The following PIAS2 variants were observed in gnomAD, a reference collection of about 807,000 sequenced individuals.
PIAS2 encodes E3 SUMO-protein ligase PIAS2.
PIAS2 carries 19 observed loss-of-function variants against 69.7 expected under a neutral mutation model. The observed-to-expected ratio is 0.27, with a 90% CI of 0.19 to 0.40. The LOEUF is 0.40. Among genes scored for constraint, PIAS2 ranks in the 10% least tolerant of loss-of-function variants. The pLI, the probability that PIAS2 is intolerant of heterozygous loss-of-function variation, is 1.00. For synonymous variants in PIAS2, 261 were observed against 263.2 expected (o/e 0.99, Z 0.08); for missense variants, 624 against 757.0 (o/e 0.82, Z 2.06).
intron 12 of PIAS2, among the ~76,000 whole-genome samples, chr18:46,819,879 G>T (rs555945805): frequency 6.6e-6 from 1 of 152,270 alleles, no homozygotes; most frequent in East Asian, 1.9e-4. Context: ...CTTGGTTGCA[G>T]AAGTCCTGAT....
chr18:46,818,233 G>A (rs1312259278), intron 12 of PIAS2: 2 of 1,226,956 alleles, frequency 1.6e-6, no homozygotes, highest in African/African-American at 3.1e-5. Flanking sequence ...TAAATGTTTA[G>A]CACTTTCAAA....
intron 3 of PIAS2, among the ~76,000 whole-genome samples, chr18:46,859,615 T>C (rs1448006283): frequency 6.6e-6 from 1 of 152,112 alleles, no homozygotes; most frequent in Non-Finnish European, 1.5e-5. Flanking sequence ...GTTTTTCAAC[T>C]TCGCATCTTT....
At chr18:46,815,092 A>C (rs1323387716) in intron 13 of PIAS2, among the ~76,000 whole-genome samples, 1 of 152,206 alleles carries the variant, frequency 6.6e-6, no homozygotes, top group Non-Finnish European at 1.5e-5. Context: ...AGCTAAATAA[A>C]ACAGAATTTA....
intron 1 of PIAS2, among the ~76,000 whole-genome samples, chr18:46,915,791 C>CA (rs879676692): frequency 0.01 from 895 of 86,500 alleles, 4 homozygotes; most frequent in Middle Eastern, 0.024. Context: ...TTTTCATTAA[C>CA]AAAAAAAAAA....
In PIAS2 at chr18:46,890,711, A is replaced by C. The variant is rs754032820; in HGVS notation, c.368T>G (p.Leu123Arg). Residue 123 changes from leucine (L) to arginine (R), a missense_variant, in exon 2 of 14, where the codon CTT (leucine) becomes CGT (arginine). Physicochemically the swap from Leu to Arg is moderately radical, Grantham distance 102. Transcript: ENST00000585916. ...CTCAAATGTGGGCTTAGTATCTTGA[A>C]GCAGCACAGAACCAACAGGAGAGGA... ...SPSSPVGSVL[L>R]QDTKPTFEMQ... The C allele has an allele frequency of 1.9e-6, 3 of 1,614,046 alleles. No homozygotes were observed. In the African/African-American group the frequency reaches 4.0e-5, roughly 22 times the overall value.
Position 46,917,457 on chromosome 18 carries a change from GCGCCGCTTAAGACGCCGCGGCCGC to G in PIAS2, c.-136_-113del, listed in dbSNP as rs2058113801. On this transcript the variant is annotated 5_prime_UTR_variant, in exon 1 of 14. Coordinates refer to ENST00000585916, the MANE Select transcript of PIAS2 (RefSeq NM_004671.5). ...CGCCTCCAGCACCATCCTGCACTGG[GCGCCGCTTAAGACGCCGCGGCCGC>G]CGCCGCTACAGCCGGGCCCGTCACG... 1 of 1,236,746 alleles carries G rather than the reference GCGCCGCTTAAGACGCCGCGGCCGC, an allele frequency of 8.1e-7. No homozygotes were observed. The highest frequency in any genetic ancestry group is 1.0e-6 in the Non-Finnish European group (1 of 985,534). 76.6% of individuals were successfully genotyped at this position (1,236,746 alleles called of 1,614,324 possible). A position where few individuals can be genotyped will look rare whatever the true frequency, so the allele number is the denominator to read the frequency against.
rs201170691 is a variant in PIAS2, at chr18:46,821,088, C to T, written c.1509-16G>A. ...CATGAGAACCCTGTTTTAAATAGCA[C>T]GGGAAATTACAAACAATCTGGCTGT... On this transcript the variant is annotated splice_polypyrimidine_tract_variant and intron_variant, in intron 11 of 13. Coordinates refer to ENST00000585916, the MANE Select transcript of PIAS2 (RefSeq NM_004671.5). 4.3e-4 allele frequency: 697 copies of T among 1,612,062 alleles called. 1 individual carries two copies. The highest frequency in any genetic ancestry group is 4.9e-4 in the Non-Finnish European group (575 of 1,178,976).
intron 12 of PIAS2, chr18:46,818,512 T>C (rs949232244): frequency 7.2e-7 from 1 of 1,393,486 alleles, no homozygotes; most frequent in Non-Finnish European, 9.5e-7. Context: ...TATTAAAACT[T>C]TGTTATCTCT....
chr18:46,899,851 G>A (rs1261071848), intron 1 of PIAS2, among the ~76,000 whole-genome samples: 1 of 90,286 alleles, frequency 1.1e-5, no homozygotes, highest in African/African-American at 7.4e-5. Context: ...ACTATATGAA[G>A]TAACTATCAA....
intron 5 of PIAS2, 54 bp downstream of exon 5, chr18:46,855,291 G>A (rs1287038435): frequency 6.3e-6 from 7 of 1,102,544 alleles, no homozygotes; most frequent in Non-Finnish European, 9.5e-6. Context: ...TCTAGGCCTT[G>A]TCAGTGTTTA....
chr18:46,883,174 A>G (rs1406728434), intron 2 of PIAS2, among the ~76,000 whole-genome samples: 1 of 151,770 alleles, frequency 6.6e-6, no homozygotes, highest in African/African-American at 2.4e-5. Context: ...AATAAACTTG[A>G]TATGACTCTA....
At chr18:46,884,081 G>GAAATAAGCA (rs2052732020) in intron 2 of PIAS2, among the ~76,000 whole-genome samples, 1 of 152,094 alleles carries the variant, frequency 6.6e-6, no homozygotes, top group Non-Finnish European at 1.5e-5. Context: ...CATATATGAT[G>GAAATAAGCA]AAATAAGCAA....
chr18:46,889,660 G>A (rs1598865246), intron 2 of PIAS2, among the ~76,000 whole-genome samples: 1 of 152,304 alleles, frequency 6.6e-6, no homozygotes, highest in East Asian at 1.9e-4. Flanking sequence ...ACGGAAAACA[G>A]TATGGTGATG....
chr18:46,810,743 A>AG lies in PIAS2; in HGVS notation c.*1689_*1690insC, dbSNP rs2040946447. 6.6e-6 allele frequency: 1 copy of AG among 151,516 alleles called. No homozygotes were observed. The highest frequency in any genetic ancestry group is 6.6e-5 in the Admixed American group (1 of 15,234). The allele number at this position is 151,516 out of a possible 1,614,324, so 9.4% of individuals were successfully genotyped here. On this transcript the variant is annotated 3_prime_UTR_variant, in exon 14 of 14. Coordinates refer to ENST00000585916, the MANE Select transcript of PIAS2 (RefSeq NM_004671.5). ...ATGGAAACTTGAGAAGGTGAAAGAA[A>AG]AAAAAAAAAAACCCCAAGCAAGGAC...
intron 6 of PIAS2, 107 bp from the exon 7 acceptor site, chr18:46,844,946 A>G (rs894413021): frequency 8.0e-5 from 38 of 472,300 alleles, no homozygotes; most frequent in Non-Finnish European, 1.1e-4. Flanking sequence ...TAACATTCAA[A>G]ATAACTTCCA....
At chr18:46,902,833 G>C (rs184710142) in intron 1 of PIAS2, among the ~76,000 whole-genome samples, 2 of 152,174 alleles carry the variant, frequency 1.3e-5, no homozygotes, top group Non-Finnish European at 2.9e-5. Context: ...AGCTAGGACT[G>C]ACAGACTGCA....
At chr18:46,917,560 G>GC (rs1252174811), upstream of PIAS2, 16 of 1,108,984 alleles carry the variant, frequency 1.4e-5, no homozygotes, top group Non-Finnish European at 1.5e-5. Flanking sequence ...CCCTAGCGGT[G>GC]CCCCCTGCCC....
chr18:46,818,289 G>C, intron 12 of PIAS2: 1 of 1,365,916 alleles, frequency 7.3e-7, no homozygotes, highest in South Asian at 2.1e-5. Flanking sequence ...TGACAATATG[G>C]CACTAGCAAT....
At chr18:46,876,697 ATT>A (rs57650764) in intron 2 of PIAS2, among the ~76,000 whole-genome samples, 60,659 of 142,660 alleles carry the variant, frequency 0.43, 12,267 homozygotes, top group Middle Eastern at 0.49. Context: ...CCCTTTACTA[ATT>A]TTTTTTTTTT....
Sources: allele counts gnomAD v4.1 joint callset (sites outside exome capture counted in the v4.1 genomes callset), GRCh38; gene constraint gnomAD v4.1.1; transcripts MANE v1.5; gene names NCBI Gene and HGNC (gene_info 2026-07-23, HGNC 2026-07-21).